Variants in GMPS observed in about 807,000 individuals in gnomAD.
GMPS encodes guanosine monophosphate synthase.
Under a neutral mutation model 77.9 loss-of-function variants are expected in GMPS, and 15 were observed. That is an observed-to-expected ratio of 0.19 (90% confidence interval 0.13 to 0.30). The LOEUF is 0.30. Among genes scored for constraint, GMPS ranks in the 10% least tolerant of loss-of-function variants. The pLI, the probability that GMPS is intolerant of heterozygous loss-of-function variation, is 1.00. For synonymous variants in GMPS, 224 were observed against 275.9 expected, an observed-to-expected ratio of 0.81 and a Z score of 1.86; for missense variants, 590 against 838.8, an observed-to-expected ratio of 0.70 and a Z score of 3.66.
intron 1 of GMPS, among the ~76,000 whole-genome samples, chr3:155,879,425 A>C (rs533195306): frequency 6.6e-6 from 1 of 150,818 alleles, no homozygotes; most frequent in Non-Finnish European, 1.5e-5. Context: ...GCGCCACCAC[A>C]CTGGCTAATT....
chr3:155,875,447 T>C (rs911012860), intron 1 of GMPS, among the ~76,000 whole-genome samples: 1 of 152,208 alleles, frequency 6.6e-6, no homozygotes, highest in East Asian at 1.9e-4. Flanking sequence ...CCCAGGCTGG[T>C]CTCGAACTCC....
intron 11 of GMPS, among the ~76,000 whole-genome samples, chr3:155,923,906 G>C (rs969068686): frequency 6.6e-6 from 1 of 152,104 alleles, no homozygotes; most frequent in East Asian, 1.9e-4. Context: ...TTGAGATGGA[G>C]TTTTGCTCTT....
chr3:155,882,065 C>T (rs1451165302), intron 1 of GMPS, among the ~76,000 whole-genome samples: 2 of 151,834 alleles, frequency 1.3e-5, no homozygotes, highest in Non-Finnish European at 2.9e-5. Flanking sequence ...GAGACCCTGT[C>T]TGAAAAAAAA....
chr3:155,889,288 G>C (rs919531188), intron 1 of GMPS, among the ~76,000 whole-genome samples: 1 of 152,088 alleles, frequency 6.6e-6, no homozygotes, highest in African/African-American at 2.4e-5. Flanking sequence ...CCCAGCAGTG[G>C]CTCTTCATAG....
rs551216940 is a variant in GMPS at position 155,922,232 on chromosome 3, T to C, written c.1364T>C (p.Ile455Thr). 2 of 1,571,020 alleles carry C rather than the reference T, an allele frequency of 1.3e-6. No individual in the cohort carries two copies. The highest frequency in any genetic ancestry group is 2.4e-5 in the South Asian group (2 of 83,448). ...IRVICAEEPY[I>T]CKDFPETNNI... The stretch of plus-strand genomic sequence containing the variant: ...GTAATATGTGCTGAAGAACCTTATA[T>C]TTGTAAGGACTTTCCTGAAACCAAC... Residue 455 changes from isoleucine to threonine, a missense_variant, in exon 11 of 16, where the codon ATT (isoleucine) becomes ACT (threonine). Around this residue, in one of 6 missense-constraint regions of GMPS, gnomAD observed 64 missense variants for 114.5 expected, o/e 0.56. Coordinates refer to ENST00000496455, the MANE Select transcript of GMPS (RefSeq NM_003875.3).
At chr3:155,872,870 C>T (rs1056110198) in intron 1 of GMPS, among the ~76,000 whole-genome samples, 2 of 152,050 alleles carry the variant, frequency 1.3e-5, no homozygotes, top group African/African-American at 4.8e-5. Context: ...TGTATGTACC[C>T]CTGAGGAAGA....
At chr3:155,900,793 A>G (rs1222367337) in intron 3 of GMPS, among the ~76,000 whole-genome samples, 1 of 152,146 alleles carries the variant, frequency 6.6e-6, no homozygotes, top group Non-Finnish European at 1.5e-5. Context: ...TTTGGGCAGA[A>G]TTTGTCCTTC....
chr3:155,928,319 C>T (rs1313643981), intron 12 of GMPS, among the ~76,000 whole-genome samples: 4 of 152,178 alleles, frequency 2.6e-5, no homozygotes, highest in South Asian at 2.1e-4. Flanking sequence ...TGAGCTACCA[C>T]GCCCAGCCCA....
At chr3:155,870,972 GC>G in intron 1 of GMPS, 75 bp downstream of exon 1, 3 of 1,327,882 alleles carry the variant, frequency 2.3e-6, no homozygotes, top group Non-Finnish European at 2.9e-6. Context: ...ACCCCGCGAG[GC>G]CCTTCCCCAC....
chr3:155,923,564 T>G (rs1055349797), intron 11 of GMPS, among the ~76,000 whole-genome samples: 3 of 152,114 alleles, frequency 2.0e-5, no homozygotes, highest in African/African-American at 7.2e-5. Flanking sequence ...CCCAGGAAAT[T>G]ATACTGAAAC....
intron 3 of GMPS, among the ~76,000 whole-genome samples, chr3:155,901,041 A>T (rs1176009210): frequency 1.3e-5 from 2 of 152,144 alleles, no homozygotes; most frequent in African/African-American, 4.8e-5. Flanking sequence ...AAAAATGTCT[A>T]TACTGCTCCC....
At chr3:155,895,485 A>AT (rs1407146504) in intron 2 of GMPS, 1 of 151,604 alleles carries the variant, frequency 6.6e-6, no homozygotes, top group Admixed American at 6.6e-5. Flanking sequence ...TAATTTTTTT[A>AT]TTTTTAGGAG....
Position 155,910,817 on chromosome 3 carries a change from A to C in GMPS, c.652A>C (p.Thr218Pro), listed in dbSNP as rs1207119514. The C allele has an allele frequency of 6.2e-7, 1 of 1,611,998 alleles. No homozygotes were observed. The highest frequency in any genetic ancestry group is 1.7e-5 in the Admixed American group (1 of 59,642). The change falls in exon 6 of 16, where the codon ACC becomes CCC. Residue 218 changes from threonine to proline, a missense_variant. Physicochemically the swap from Thr to Pro is conservative, Grantham distance 38. Around this residue, in one of 6 missense-constraint regions of GMPS, gnomAD observed 136 missense variants for 225.6 expected, o/e 0.60. Transcript: ENST00000496455. Reference protein sequence around the residue: ...YDIAGCSGTFTVQNRELECIR... With the variant: ...YDIAGCSGTFPVQNRELECIR... ...TATAGCTGGATGCAGTGGAACCTTC[A>C]CCGTGCAGAACAGAGAACTTGAGTG...
intron 7 of GMPS, among the ~76,000 whole-genome samples, chr3:155,914,063 C>G (rs530943703): frequency 2.6e-5 from 4 of 152,022 alleles, no homozygotes; most frequent in Non-Finnish European, 5.9e-5. Context: ...TCTCCTGCCT[C>G]GGCTTCCCAA....
rs79872457 is a variant in GMPS at position 155,942,687 on chromosome 3, G to A, written c.*4995G>A. 11,139 of 228,890 alleles carry A rather than the reference G, an allele frequency of 0.049. 474 individuals carry two copies. Among genetic ancestry groups the A allele is most frequent in the East Asian group, 0.16 (2,625 of 16,026 alleles). The allele number at this position is 228,890 out of a possible 1,614,324, so 14.2% of individuals were successfully genotyped here. Reference sequence around the variant, plus strand: ...TTGAGATCTGGGCAACAACTGTGTAGGCTGTTCTTTCAACCTCTTTCTTCT... The same window carrying A: ...TTGAGATCTGGGCAACAACTGTGTAAGCTGTTCTTTCAACCTCTTTCTTCT... On this transcript the variant is annotated 3_prime_UTR_variant, in exon 16 of 16. Coordinates refer to ENST00000496455, the MANE Select transcript of GMPS (RefSeq NM_003875.3).
At chr3:155,886,023 G>A (rs1391965931) in intron 1 of GMPS, among the ~76,000 whole-genome samples, 1 of 151,892 alleles carries the variant, frequency 6.6e-6, no homozygotes, top group African/African-American at 2.4e-5. Flanking sequence ...GTTTTGCCAC[G>A]TTGCCCAGGC....
upstream of GMPS, chr3:155,870,522 G>A (rs1175116776): frequency 8.4e-6 from 2 of 238,242 alleles, no homozygotes; most frequent in African/African-American, 2.2e-5. Context: ...CGGGCGCCGC[G>A]AGCCCCTCCT....
At chr3:155,878,195 T>C (rs1560034624) in intron 1 of GMPS, among the ~76,000 whole-genome samples, 2 of 152,320 alleles carry the variant, frequency 1.3e-5, no homozygotes, top group Non-Finnish European at 2.9e-5. Context: ...TTTCAACATA[T>C]GAATTTTAGG....
chr3:155,942,765 A>G lies in GMPS; in HGVS notation c.*5073A>G. 4.5e-6 allele frequency: 1 copy of G among 224,540 alleles called. No homozygotes were observed. The highest frequency in any genetic ancestry group is 8.9e-6 in the Non-Finnish European group (1 of 112,668). 13.9% of individuals were successfully genotyped at this position (224,540 alleles called of 1,614,324 possible). ...AGAAAGCCACCCCTGTGCTATAGCC[A>G]CCGCTCCAATTCTGACTCTAGCTAG... is the stretch of plus-strand genomic sequence containing the variant. On this transcript the variant is annotated 3_prime_UTR_variant, in exon 16 of 16. Coordinates refer to ENST00000496455, the MANE Select transcript of GMPS (RefSeq NM_003875.3).
Sources: allele counts gnomAD v4.1 joint callset (sites outside exome capture counted in the v4.1 genomes callset), GRCh38; gene constraint gnomAD v4.1.1; regional missense constraint gnomAD v4.1.1; transcripts MANE v1.5; gene names NCBI Gene and HGNC (gene_info 2026-07-23, HGNC 2026-07-21).